Variants in HMOX2 observed in about 807,000 individuals in gnomAD.
The protein encoded by HMOX2 is heme oxygenase (decycling) 2.
Under a neutral mutation model 33.7 loss-of-function variants are expected in HMOX2, and 30 were observed. The observed-to-expected ratio is 0.89, with a 90% CI of 0.67 to 1.21. HMOX2 has a LOEUF of 1.21. HMOX2 is among the 50% of genes most tolerant of loss of function. The probability of loss-of-function intolerance (pLI) is 0.00; values close to 1 mark genes in which losing one functional copy is unlikely to be tolerated. For synonymous variants in HMOX2, 155 were observed against 155.0 expected (o/e 1.00, Z 0.00); for missense variants, 403 against 399.1 (o/e 1.01, Z -0.08).
intron 1 of HMOX2, among the ~76,000 whole-genome samples, chr16:4,491,393 T>A (rs1233570732): frequency 2.6e-5 from 4 of 152,162 alleles, no homozygotes; most frequent in Non-Finnish European, 5.9e-5. Context: ...CCCACTCCTG[T>A]AATCCTGGCA....
At chr16:4,490,271 A>G (rs895639031) in intron 1 of HMOX2, among the ~76,000 whole-genome samples, 9 of 152,090 alleles carry the variant, frequency 5.9e-5, no homozygotes, top group African/African-American at 2.2e-4. Flanking sequence ...GGAAGAGGGG[A>G]GCTGTTCTGA....
intron 1 of HMOX2, among the ~76,000 whole-genome samples, chr16:4,476,886 G>T (rs2057863619): frequency 6.6e-6 from 1 of 152,220 alleles, no homozygotes; most frequent in South Asian, 2.1e-4. Flanking sequence ...TGCAGACAGG[G>T]GATGCCGGCA....
chr16:4,492,246 A>T (rs149741480), intron 1 of HMOX2, among the ~76,000 whole-genome samples: 160 of 152,106 alleles, frequency 1.1e-3, no homozygotes, highest in Non-Finnish European at 1.7e-3. Context: ...AATTGGGAGG[A>T]TCGCCTGATC....
At chr16:4,489,764 C>T (rs1343863349) in intron 1 of HMOX2, among the ~76,000 whole-genome samples, 1 of 151,978 alleles carries the variant, frequency 6.6e-6, no homozygotes, top group East Asian at 1.9e-4. Flanking sequence ...GAGCCTCATC[C>T]AGCTAATTTT....
intron 4 of HMOX2, 62 bp downstream of exon 4, chr16:4,508,266 T>C: frequency 6.6e-7 from 1 of 1,524,364 alleles, no homozygotes; most frequent in Non-Finnish European, 8.9e-7. Flanking sequence ...TGGTAGCAGA[T>C]CCATAGTGGC....
At chr16:4,505,991 G>T (rs1300427684) in intron 2 of HMOX2, among the ~76,000 whole-genome samples, 1 of 152,168 alleles carries the variant, frequency 6.6e-6, no homozygotes, top group Non-Finnish European at 1.5e-5. Context: ...TCCTTACTCT[G>T]TATAGGGACA....
chr16:4,499,538 G>T (rs2058507191), intron 1 of HMOX2, among the ~76,000 whole-genome samples: 1 of 152,154 alleles, frequency 6.6e-6, no homozygotes, highest in Admixed American at 6.5e-5. Context: ...GGGAGATGTT[G>T]ATCAAAGGGT....
At chr16:4,501,494 T>A (rs1452954175) in intron 1 of HMOX2, among the ~76,000 whole-genome samples, 2 of 152,212 alleles carry the variant, frequency 1.3e-5, no homozygotes, top group African/African-American at 4.8e-5. Flanking sequence ...GGCTGGGTAT[T>A]ATTTTGATAC....
intron 4 of HMOX2, 107 bp from the exon 5 acceptor site, chr16:4,509,305 C>T: frequency 7.1e-7 from 1 of 1,412,550 alleles, no homozygotes; most frequent in Non-Finnish European, 9.6e-7. Flanking sequence ...GTTCATAACA[C>T]TGCACTCTAG....
At chr16:4,483,160 GGTGTGTGTGTGTGTGTGTGT>G (rs35532266) in intron 1 of HMOX2, among the ~76,000 whole-genome samples, 5,574 of 131,760 alleles carry the variant, frequency 0.042, 238 homozygotes, top group Admixed American at 0.11. Context: ...TGCAAACCCT[GGTGTGTGTGTGTGTGTGTGT>G]GTGTGTGTGT....
At chr16:4,491,775 C>G (rs1211307008) in intron 1 of HMOX2, among the ~76,000 whole-genome samples, 1 of 151,904 alleles carries the variant, frequency 6.6e-6, no homozygotes, top group African/African-American at 2.4e-5. Flanking sequence ...GTGGCATGAT[C>G]TCGGCTCACT....
chr16:4,501,615 T>C (rs1290386071), intron 1 of HMOX2, among the ~76,000 whole-genome samples: 1 of 152,226 alleles, frequency 6.6e-6, no homozygotes, highest in Non-Finnish European at 1.5e-5. Flanking sequence ...CTTGTGGATA[T>C]TAGACATTGA....
chr16:4,508,916 T>C (rs1567405642), intron 4 of HMOX2, among the ~76,000 whole-genome samples: 1 of 152,144 alleles, frequency 6.6e-6, no homozygotes, highest in Non-Finnish European at 1.5e-5. Context: ...GGTACCAATA[T>C]CCACACCTCC....
intron 1 of HMOX2, among the ~76,000 whole-genome samples, chr16:4,489,674 G>C (rs1055873411): frequency 6.6e-6 from 1 of 152,114 alleles, no homozygotes; most frequent in African/African-American, 2.4e-5. Flanking sequence ...GCCCAGGCTG[G>C]TCTGGAACTC....
intron 1 of HMOX2, among the ~76,000 whole-genome samples, chr16:4,492,326 TA>T (rs542051502): frequency 4.4e-4 from 63 of 142,900 alleles, no homozygotes; most frequent in Non-Finnish European, 4.5e-4. Context: ...ACCCTGTCTC[TA>T]AAAAAAAAAA....
chr16:4,493,692 A>G (rs962679491), intron 1 of HMOX2, among the ~76,000 whole-genome samples: 6 of 152,122 alleles, frequency 3.9e-5, no homozygotes, highest in Non-Finnish European at 8.8e-5. Context: ...GGTGCCTACT[A>G]TGGCTCAGGC....
At chr16:4,482,680 A>C (rs2058060342) in intron 1 of HMOX2, among the ~76,000 whole-genome samples, 1 of 152,180 alleles carries the variant, frequency 6.6e-6, no homozygotes, top group African/African-American at 2.4e-5. Flanking sequence ...TGGGTCACAG[A>C]ACTCAGGAAA....
intron 1 of HMOX2, chr16:4,496,714 C>T (rs2141576552): frequency 6.6e-6 from 1 of 152,250 alleles, no homozygotes; most frequent in Non-Finnish European, 1.5e-5. Context: ...ATCTTAGTTT[C>T]TTCAGAGCCA....
intron 1 of HMOX2, among the ~76,000 whole-genome samples, chr16:4,492,761 G>C (rs985397986): frequency 2.0e-5 from 3 of 151,870 alleles, no homozygotes; most frequent in African/African-American, 7.3e-5. Context: ...AAAAAGGCTG[G>C]GCACAGTGGC....
Sources: allele counts gnomAD v4.1 joint callset (sites outside exome capture counted in the v4.1 genomes callset), GRCh38; gene constraint gnomAD v4.1.1; transcripts MANE v1.5; gene names NCBI Gene and HGNC (gene_info 2026-07-23, HGNC 2026-07-21).